The following FRMD5 variants were observed in gnomAD, a reference collection of about 807,000 sequenced individuals.
FRMD5 encodes FERM domain containing 5.
A neutral mutation model predicts 69.0 loss-of-function variants in FRMD5; 20 were observed. The observed-to-expected ratio is 0.29, with a 90% confidence interval of 0.20 to 0.42. FRMD5 has a LOEUF of 0.42. Among genes scored for constraint, FRMD5 ranks in the 10% least tolerant of loss-of-function variants. FRMD5 has a pLI of 1.00. For missense variants in FRMD5, 595 were observed against 708.6 expected (o/e 0.84, Z 1.82); for synonymous variants, 271 against 260.1 (o/e 1.04, Z -0.40).
At chr15:43,915,291 G>A (rs1337747123) in intron 4 of FRMD5, among the ~76,000 whole-genome samples, 1 of 152,140 alleles carries the variant, frequency 6.6e-6, no homozygotes, top group Non-Finnish European at 1.5e-5. Flanking sequence ...GAGTAGTTGC[G>A]ACAGAGACCA....
chr15:44,081,511 C>T (rs369425559), intron 1 of FRMD5, among the ~76,000 whole-genome samples: 24 of 152,124 alleles, frequency 1.6e-4, no homozygotes, highest in South Asian at 1.0e-3. Context: ...ACCAGGAAGA[C>T]ACAAGTTATA....
chr15:44,071,979 C>T (rs953861375), intron 1 of FRMD5, among the ~76,000 whole-genome samples: 3 of 152,152 alleles, frequency 2.0e-5, no homozygotes, highest in African/African-American at 2.4e-5. Flanking sequence ...GATTCTCCTG[C>T]CTCAGCCTCT....
intron 1 of FRMD5, among the ~76,000 whole-genome samples, chr15:43,944,124 G>A (rs1170632295): frequency 2.0e-5 from 3 of 152,202 alleles, no homozygotes; most frequent in Non-Finnish European, 2.9e-5. Context: ...TATAAAGAAA[G>A]GAAATTTATT....
At chr15:43,990,324 T>C (rs1296944203) in intron 1 of FRMD5, 1 of 257,098 alleles carries the variant, frequency 3.9e-6, no homozygotes, top group Non-Finnish European at 7.6e-6. Flanking sequence ...TTTGCTTTTT[T>C]GTGATATTTG....
chr15:44,134,959 A>T lies in FRMD5; in HGVS notation c.102+59994T>A, dbSNP rs542731512. 4.6e-5 allele frequency among the ~76,000 whole-genome samples: 7 copies of T among 152,326 alleles called. 1 individual carries two copies. Among genetic ancestry groups the T allele is most frequent in the African/African-American group, 1.7e-4 (7 of 41,572 alleles). ...GAATGGAGGGAACAAGGAAAGAGCA[A>T]CAAGAAATAGGTGGAAAGATCTGAC... On this transcript the variant is annotated intron_variant, in intron 1 of 13. Coordinates refer to ENST00000417257, the MANE Select transcript of FRMD5 (RefSeq NM_032892.5).
chr15:44,191,354 G>A (rs1479459699), intron 1 of FRMD5, among the ~76,000 whole-genome samples: 4 of 151,986 alleles, frequency 2.6e-5, no homozygotes, highest in African/African-American at 7.3e-5. Flanking sequence ...TTTGGGAGGC[G>A]AGGCGGGTGG....
intron 1 of FRMD5, among the ~76,000 whole-genome samples, chr15:44,051,336 G>C (rs570704053): frequency 6.8e-4 from 100 of 147,024 alleles, no homozygotes; most frequent in African/African-American, 2.3e-3. Flanking sequence ...ATTTTTAGTA[G>C]AGACGGGGTT....
intron 1 of FRMD5, among the ~76,000 whole-genome samples, chr15:44,060,326 C>A (rs1893040325): frequency 6.6e-6 from 1 of 152,032 alleles, no homozygotes; most frequent in Admixed American, 6.6e-5. Context: ...AGGTGGATAC[C>A]CAGAAGCGTG....
intron 1 of FRMD5, among the ~76,000 whole-genome samples, chr15:43,996,071 C>T (rs902655551): frequency 1.3e-5 from 2 of 152,046 alleles, no homozygotes; most frequent in South Asian, 2.1e-4. Context: ...AGGCTTCTGC[C>T]GTGGCACTGG....
At chr15:44,170,064 C>A (rs948988363) in intron 1 of FRMD5, among the ~76,000 whole-genome samples, 3 of 152,030 alleles carry the variant, frequency 2.0e-5, no homozygotes, top group Non-Finnish European at 4.4e-5. Flanking sequence ...ACAGATTTCC[C>A]AAAACCTACT....
chr15:43,994,147 T>C (rs1414699801), intron 1 of FRMD5, among the ~76,000 whole-genome samples: 2 of 152,194 alleles, frequency 1.3e-5, no homozygotes, highest in Non-Finnish European at 2.9e-5. Context: ...GTTTTGTGGA[T>C]CCTTTTTTCC....
At chr15:43,880,967 T>G (rs2088510206) in intron 13 of FRMD5, among the ~76,000 whole-genome samples, 1 of 152,174 alleles carries the variant, frequency 6.6e-6, no homozygotes, top group South Asian at 2.1e-4. Context: ...TGTCTCAGGA[T>G]CACAAGGACT....
At chr15:43,946,918 G>A (rs2089956582) in intron 1 of FRMD5, among the ~76,000 whole-genome samples, 1 of 152,130 alleles carries the variant, frequency 6.6e-6, no homozygotes, top group African/African-American at 2.4e-5. Flanking sequence ...AGTCTGGTAG[G>A]CAACTTCAGT....
intron 1 of FRMD5, among the ~76,000 whole-genome samples, chr15:44,067,511 T>G (rs764427994): frequency 2.5e-4 from 38 of 152,176 alleles, no homozygotes; most frequent in African/African-American, 8.9e-4. Flanking sequence ...AAGCTAGAAG[T>G]CCAAGATCAA....
intron 1 of FRMD5, among the ~76,000 whole-genome samples, chr15:44,156,184 C>T (rs1244814247): frequency 6.6e-6 from 1 of 152,022 alleles, no homozygotes; most frequent in African/African-American, 2.4e-5. Flanking sequence ...CGCTCTGTCA[C>T]CCAGACAGGA....
chr15:43,972,940 C>G (rs1252871745), intron 1 of FRMD5, among the ~76,000 whole-genome samples: 1 of 152,222 alleles, frequency 6.6e-6, no homozygotes, highest in Non-Finnish European at 1.5e-5. Flanking sequence ...CAAGTCTTCC[C>G]TTCCCCAGGC....
chr15:44,058,029 A>T (rs1168950787), intron 1 of FRMD5, among the ~76,000 whole-genome samples: 1 of 152,222 alleles, frequency 6.6e-6, no homozygotes, highest in Admixed American at 6.5e-5. Context: ...GCTCTGAAAC[A>T]GGGCCATTTT....
intron 1 of FRMD5, among the ~76,000 whole-genome samples, chr15:43,992,655 G>A (rs539294835): frequency 3.9e-5 from 6 of 152,240 alleles, no homozygotes; most frequent in African/African-American, 1.4e-4. Context: ...TGGGATTACA[G>A]GTGTGAGCCG....
intron 1 of FRMD5, among the ~76,000 whole-genome samples, chr15:44,073,289 C>T (rs1030068876): frequency 4.6e-5 from 7 of 152,122 alleles, no homozygotes; most frequent in Middle Eastern, 3.2e-3. Context: ...ACACTCTGCA[C>T]ACAAAAACAT....
Sources: allele counts gnomAD v4.1 joint callset (sites outside exome capture counted in the v4.1 genomes callset), GRCh38; gene constraint gnomAD v4.1.1; transcripts MANE v1.5; gene names NCBI Gene and HGNC (gene_info 2026-07-23, HGNC 2026-07-21).